The following EFHC2 variants were observed in gnomAD, a reference collection of about 807,000 sequenced individuals.
EFHC2 encodes EF-hand domain-containing family member C2.
In EFHC2, 18 loss-of-function variants were observed where a neutral mutation model predicts 52.7. The ratio of observed to expected loss-of-function variants is 0.34; its 90% CI spans 0.24 to 0.51. EFHC2 has a LOEUF of 0.51. Ranked by LOEUF, EFHC2 falls within the 20% of genes least tolerant of loss-of-function variation. The pLI, the probability that EFHC2 is intolerant of heterozygous loss-of-function variation, is 0.97. For missense variants in EFHC2, 513 were observed against 562.5 expected (o/e 0.91, Z 0.89); for synonymous variants, 203 against 204.1 (o/e 0.99, Z 0.04).
At chrX:44,288,066 CAAAAT>C (rs958646139) in intron 2 of EFHC2, among the ~76,000 whole-genome samples, 4 of 110,865 alleles carry the variant, frequency 3.6e-5, no homozygotes, top group African/African-American at 9.8e-5. Context: ...AAAACCCAAA[CAAAAT>C]AAAAGCAACA....
intron 13 of EFHC2, among the ~76,000 whole-genome samples, chrX:44,172,170 C>T (rs2036750863): frequency 8.9e-6 from 1 of 112,099 alleles, no homozygotes; most frequent in Non-Finnish European, 1.9e-5. Flanking sequence ...TTCCATGGAA[C>T]CCAAAGCCAA....
At chrX:44,248,465 G>A (rs2037417098) in intron 6 of EFHC2, 55 bp from the exon 7 acceptor site, 33 of 1,121,107 alleles carry the variant, frequency 2.9e-5, no homozygotes, top group Non-Finnish European at 3.9e-5. Flanking sequence ...AAAGAACCAG[G>A]AACCCCTTCC....
chrX:44,200,236 C>A (rs2147295010), intron 11 of EFHC2, among the ~76,000 whole-genome samples: 1 of 111,222 alleles, frequency 9.0e-6, no homozygotes, highest in South Asian at 3.7e-4. Flanking sequence ...ATGGTCAACC[C>A]AAGCAACAAA....
chrX:44,154,625 G>A (rs371904355), intron 14 of EFHC2, among the ~76,000 whole-genome samples: 1 of 109,695 alleles, frequency 9.1e-6, no homozygotes, highest in African/African-American at 3.3e-5. Context: ...GATTGCTTGA[G>A]CCCAGGGTTT....
At position 44,284,248 on chromosome X, in the gene EFHC2, G is replaced by C. The variant is rs1317014476; in HGVS notation, c.232-11412C>G. On this transcript the variant is annotated intron_variant, in intron 2 of 14. Coordinates refer to ENST00000420999, the MANE Select transcript of EFHC2 (RefSeq NM_025184.4). ...AGCATTTGGAGTTCCTTTCGTCCTT[G>C]TGATCCCCAGTGCACTCTGCCAGCC... is the stretch of plus-strand genomic sequence containing the variant. The C allele has an allele frequency of 2.7e-5, 3 of 111,938 alleles. No individual in the cohort carries two copies. The Admixed American group carries it at 2.8e-4, about 11-fold the overall frequency. 9.2% of individuals were successfully genotyped at this position (111,938 alleles called of 1,213,427 possible).
chrX:44,293,086 C>G (rs754882307), intron 2 of EFHC2, among the ~76,000 whole-genome samples: 3 of 108,652 alleles, frequency 2.8e-5, no homozygotes, highest in African/African-American at 1.0e-4. Context: ...AAGCAATTCC[C>G]CTGCCTCAGT....
chrX:44,248,048 C>T (rs2037413632), intron 7 of EFHC2, among the ~76,000 whole-genome samples: 2 of 111,025 alleles, frequency 1.8e-5, no homozygotes, highest in Admixed American at 9.6e-5. Flanking sequence ...ACAAATGAGC[C>T]CCCTTTAAGC....
chrX:44,279,079 C>T (rs1409107015), intron 2 of EFHC2, among the ~76,000 whole-genome samples: 11 of 112,336 alleles, frequency 9.8e-5, no homozygotes, highest in Non-Finnish European at 1.3e-4. Context: ...CAGTAGCTCA[C>T]GCCTGTAATC....
At chrX:44,157,408 G>A (rs1448797871) in intron 14 of EFHC2, among the ~76,000 whole-genome samples, 1 of 111,066 alleles carries the variant, frequency 9.0e-6, no homozygotes, top group Non-Finnish European at 1.9e-5. Context: ...TCCATTCTTT[G>A]CCCTTTTCAC....
At chrX:44,220,263 C>A (rs767676522) in intron 11 of EFHC2, among the ~76,000 whole-genome samples, 2 of 111,756 alleles carry the variant, frequency 1.8e-5, no homozygotes, top group Non-Finnish European at 3.8e-5. Context: ...TATGTGGTAG[C>A]CACTCATAGC....
chrX:44,164,158 C>A, intron 13 of EFHC2, 131 bp from the exon 14 acceptor site: 1 of 382,575 alleles, frequency 2.6e-6, no homozygotes, highest in Non-Finnish European at 4.3e-6. Context: ...TTATTTCTTA[C>A]AATTTCTTAT....
chrX:44,193,339 A>G (rs2036937726), intron 11 of EFHC2, among the ~76,000 whole-genome samples: 1 of 104,510 alleles, frequency 9.6e-6, no homozygotes, highest in Non-Finnish European at 1.9e-5. Flanking sequence ...TAAAATACAT[A>G]AACCAAGCTG....
rs369081737 is a variant in EFHC2, at chrX:44,250,237, C to T, written c.815G>A (p.Arg272Gln). The T allele has an allele frequency of 5.7e-4, 689 of 1,209,050 alleles. No homozygotes were observed. The highest frequency in any genetic ancestry group is 7.2e-4 in the Non-Finnish European group (643 of 894,744). Residue 272 changes from arginine (R) to glutamine (Q), a missense_variant, in exon 5 of 15, where the codon CGA (arginine) becomes CAA (glutamine). By Grantham distance (43) the Arg-to-Gln change is conservative. Coordinates refer to ENST00000420999, the MANE Select transcript of EFHC2 (RefSeq NM_025184.4). ...CCGGAGGAACATTTTTAGAGCATCT[C>T]GGCCTGAGCTGTGTGGAAGCAATTC... is the stretch of plus-strand genomic sequence containing the variant. ...IKELLPHSSG[R>Q]DALKMFLRRS...
At chrX:44,266,108 T>C (rs1367964311) in intron 3 of EFHC2, among the ~76,000 whole-genome samples, 2 of 111,546 alleles carry the variant, frequency 1.8e-5, no homozygotes, top group Admixed American at 9.6e-5. Flanking sequence ...TCCCACCACT[T>C]TATCTCATGT....
At chrX:44,235,573 G>C (rs2037313323) in intron 8 of EFHC2, 126 bp from the exon 9 acceptor site, 1 of 633,438 alleles carries the variant, frequency 1.6e-6, no homozygotes, top group African/African-American at 2.3e-5. Flanking sequence ...CAAAGTGAAA[G>C]AGTTCAACCA....
intron 4 of EFHC2, among the ~76,000 whole-genome samples, chrX:44,258,174 T>C (rs2037507660): frequency 2.7e-5 from 3 of 111,888 alleles, no homozygotes; most frequent in Admixed American, 9.5e-5. Context: ...CCTAAAATCA[T>C]AAAAACTCTA....
intron 1 of EFHC2, among the ~76,000 whole-genome samples, chrX:44,333,512 G>A (rs1329250559): frequency 1.8e-5 from 2 of 111,285 alleles, no homozygotes; most frequent in Non-Finnish European, 3.8e-5. Context: ...AGTTTACAAA[G>A]AACAGTATTC....
At chrX:44,176,560 C>A (rs1460532064) in intron 12 of EFHC2, among the ~76,000 whole-genome samples, 176 bp from the exon 13 acceptor site, 3 of 112,178 alleles carry the variant, frequency 2.7e-5, no homozygotes, top group Middle Eastern at 4.7e-3. Flanking sequence ...ATTTCATCAA[C>A]TTTTTCTATT....
At chrX:44,215,245 T>C (rs1409282958) in intron 11 of EFHC2, among the ~76,000 whole-genome samples, 2 of 111,273 alleles carry the variant, frequency 1.8e-5, no homozygotes, top group Non-Finnish European at 3.8e-5. Flanking sequence ...TCTTCATAAA[T>C]GACCCAGTCT....
Sources: gnomAD v4.1 joint callset for allele counts (sites outside exome capture counted in the v4.1 genomes callset) on GRCh38, gnomAD v4.1.1 for gene constraint, MANE v1.5 for transcripts, NCBI Gene and HGNC (gene_info 2026-07-23, HGNC 2026-07-21) for gene names.